CTNNA2: variants seen among roughly 807,000 people sequenced by gnomAD.
CTNNA2 encodes catenin alpha 2.
CTNNA2 carries 42 observed loss-of-function variants against 101.0 expected under a neutral mutation model. The ratio of observed to expected loss-of-function variants is 0.42; its 90% confidence interval spans 0.32 to 0.54. The LOEUF is 0.54. Ranked by LOEUF, CTNNA2 falls within the 20% of genes least tolerant of loss-of-function variation. The probability of loss-of-function intolerance (pLI) is 0.14; values close to 1 mark genes in which losing one functional copy is unlikely to be tolerated. For synonymous variants in CTNNA2, 450 were observed against 456.4 expected, an observed-to-expected ratio of 0.99 and a Z score of 0.18; for missense variants, 871 against 1,223.1, an observed-to-expected ratio of 0.71 and a Z score of 4.29.
At chr2:79,805,720 G>T (rs1319372071) in intron 3 of CTNNA2, among the ~76,000 whole-genome samples, 1 of 151,974 alleles carries the variant, frequency 6.6e-6, no homozygotes, top group Non-Finnish European at 1.5e-5. Flanking sequence ...GGTGGATCAC[G>T]AGGTCAGGAG....
intron 1 of CTNNA2, among the ~76,000 whole-genome samples, chr2:79,196,039 C>T (rs1035587145): frequency 1.3e-5 from 2 of 152,048 alleles, no homozygotes; most frequent in Admixed American, 6.6e-5. Flanking sequence ...CAGGTACAAG[C>T]GATTCTCCTG....
chr2:80,340,789 C>G (rs954155500), intron 7 of CTNNA2, among the ~76,000 whole-genome samples: 31 of 152,172 alleles, frequency 2.0e-4, no homozygotes, highest in Admixed American at 6.5e-5. Context: ...CTGGAGCTAG[C>G]ATCAGATCTC....
At chr2:79,397,639 G>A (rs1573146401) in intron 4 of CTNNA2, among the ~76,000 whole-genome samples, 1 of 152,056 alleles carries the variant, frequency 6.6e-6, no homozygotes, top group Middle Eastern at 3.4e-3. Flanking sequence ...TGGCTCTCAA[G>A]TCTGTTTGTT....
chr2:79,241,422 T>G (rs955535564), intron 2 of CTNNA2, among the ~76,000 whole-genome samples: 1 of 152,182 alleles, frequency 6.6e-6, no homozygotes, highest in African/African-American at 2.4e-5. Context: ...CAGAATGCTG[T>G]CAAATTGGAG....
chr2:80,166,911 C>CTT (rs138274641), intron 7 of CTNNA2, among the ~76,000 whole-genome samples: 2 of 150,928 alleles, frequency 1.3e-5, no homozygotes, highest in Admixed American at 6.6e-5. Context: ...TAGGTTGGGT[C>CTT]TTTTTTTTTG....
chr2:80,158,910 C>CA (rs57487842), intron 7 of CTNNA2, among the ~76,000 whole-genome samples: 623 of 88,868 alleles, frequency 7.0e-3, no homozygotes, highest in Admixed American at 0.015. Context: ...GACTCCGTCT[C>CA]AAAAAAAAAA....
intron 9 of CTNNA2, among the ~76,000 whole-genome samples, chr2:80,485,925 C>A (rs1030604677): frequency 1.3e-5 from 2 of 152,050 alleles, no homozygotes; most frequent in Non-Finnish European, 2.9e-5. Flanking sequence ...GCAAGTTAAG[C>A]TTTAGGAGTC....
chr2:79,259,158 T>C (rs1440561517), intron 2 of CTNNA2, among the ~76,000 whole-genome samples: 1 of 152,156 alleles, frequency 6.6e-6, no homozygotes, highest in Non-Finnish European at 1.5e-5. Context: ...CGGCTATTTG[T>C]ACTTGACTGA....
chr2:79,919,262 G>C (rs1449690258), intron 7 of CTNNA2, among the ~76,000 whole-genome samples: 1 of 152,114 alleles, frequency 6.6e-6, no homozygotes, highest in Non-Finnish European at 1.5e-5. Flanking sequence ...CTTATCCATG[G>C]CAGACTTCTC....
intron 7 of CTNNA2, among the ~76,000 whole-genome samples, chr2:80,017,971 A>G (rs1574551615): frequency 6.6e-6 from 1 of 152,338 alleles, no homozygotes; most frequent in East Asian, 1.9e-4. Context: ...CAATTAAGAT[A>G]ATAGATGCAA....
rs1558754789 is a variant in CTNNA2, at chr2:80,043,069, TTCTTTCTTTCTTTCTTTCTTTCTTTCTC to T, written c.1056+133276_1056+133303del. Among the ~76,000 whole-genome samples, 71 of 54,292 alleles carry T rather than the reference TTCTTTCTTTCTTTCTTTCTTTCTTTCTC, an allele frequency of 1.3e-3. 1 individual carries two copies. Among genetic ancestry groups the T allele is most frequent in the African/African-American group, 3.0e-3 (36 of 12,196 alleles). The allele number at this position is 54,292 out of a possible 152,430, so 35.6% of individuals were successfully genotyped here. A position where few individuals can be genotyped will look rare whatever the true frequency, so the allele number is the denominator to read the frequency against. ...TTTCTTTCTTTCTTTCTTTCTTTCTTTCTTTCTTTCTTTCTTTCTTTCTTTCTCTCTCTCTCTCTCTCTTTCTTTCTCC... is the reference window on the plus strand; with the variant it reads ...TTTCTTTCTTTCTTTCTTTCTTTCTTTCTCTCTCTCTCTCTTTCTTTCTCC... On this transcript the variant is annotated intron_variant, in intron 7 of 18. Transcript: ENST00000402739.
chr2:80,602,261 T>C (rs551866841), intron 15 of CTNNA2, among the ~76,000 whole-genome samples: 1 of 152,068 alleles, frequency 6.6e-6, no homozygotes, highest in East Asian at 1.9e-4. Flanking sequence ...AAGACATGCT[T>C]CTTTTCATTC....
At chr2:79,338,240 C>A (rs1275140842) in intron 3 of CTNNA2, among the ~76,000 whole-genome samples, 2 of 13,834 alleles carry the variant, frequency 1.4e-4, no homozygotes, top group African/African-American at 3.2e-4. Flanking sequence ...AACCAGACTC[C>A]ATCTCAAAAA....
intron 7 of CTNNA2, among the ~76,000 whole-genome samples, chr2:80,230,256 C>CA (rs1709119068): frequency 9.6e-6 from 1 of 103,672 alleles, no homozygotes. Flanking sequence ...CTTTTTTTTT[C>CA]TTTGTTTTTT....
Position 79,404,143 on chromosome 2 carries a change from T to TG in CTNNA2, c.-135+30130_-135+30131insG, listed in dbSNP as rs1241300579. ...TCTTGCCCTGATTTCTGAATAAATG[T>TG]AAAAAAAAAAAAGGGCAATAGTGTA... On this transcript the variant is annotated intron_variant, in intron 4 of 21. Coordinates refer to the CTNNA2 transcript ENST00000466387. 3.2e-3 allele frequency among the ~76,000 whole-genome samples: 467 copies of TG among 146,684 alleles called. 6 individuals carry two copies. In the East Asian group the frequency reaches 0.041, roughly 13 times the overall value.
chr2:79,476,298 T>C (rs961997983), intron 4 of CTNNA2, among the ~76,000 whole-genome samples: 5 of 152,030 alleles, frequency 3.3e-5, no homozygotes, highest in Non-Finnish European at 7.4e-5. Context: ...CATCCTGGAG[T>C]ATAGGCACAG....
intron 15 of CTNNA2, among the ~76,000 whole-genome samples, chr2:80,592,677 A>T (rs1381299461): frequency 6.6e-6 from 1 of 151,952 alleles, no homozygotes; most frequent in Admixed American, 6.6e-5. Flanking sequence ...AGTGACTTTT[A>T]TGGTTCGATA....
intron 1 of CTNNA2, among the ~76,000 whole-genome samples, chr2:79,557,640 A>G (rs1373652995): frequency 2.0e-5 from 3 of 151,884 alleles, no homozygotes; most frequent in Non-Finnish European, 4.4e-5. Context: ...ACTTCTTTAG[A>G]TTTGGCTGGC....
chr2:80,245,107 C>G (rs1405291313), intron 7 of CTNNA2, among the ~76,000 whole-genome samples: 1 of 152,180 alleles, frequency 6.6e-6, no homozygotes, highest in African/African-American at 2.4e-5. Context: ...TTCATTATCT[C>G]AAGGCAGCAT....
Sources: gnomAD v4.1 joint callset for allele counts (sites outside exome capture counted in the v4.1 genomes callset) on GRCh38, gnomAD v4.1.1 for gene constraint, MANE v1.5 for transcripts, NCBI Gene and HGNC (gene_info 2026-07-23, HGNC 2026-07-21) for gene names.